The following KLHL1 variants were observed in gnomAD, a reference collection of about 807,000 sequenced individuals.
KLHL1 encodes kelch-like protein 1.
In KLHL1, 47 loss-of-function variants were observed where a neutral mutation model predicts 77.7. That is an observed-to-expected ratio of 0.60 (90% confidence interval 0.48 to 0.77). The LOEUF (loss-of-function observed/expected upper bound fraction) is 0.77, where lower values mean the gene tolerates loss of function less well. Ranked by LOEUF, KLHL1 falls within the 30% of genes least tolerant of loss-of-function variation. The pLI is 0.00. For missense variants in KLHL1, 925 were observed against 910.8 expected (o/e 1.02, Z -0.20); for synonymous variants, 360 against 325.2 (o/e 1.11, Z -1.15).
chr13:69,776,394 C>A (rs1875830013), intron 7 of KLHL1, among the ~76,000 whole-genome samples: 1 of 152,164 alleles, frequency 6.6e-6, no homozygotes, highest in Non-Finnish European at 1.5e-5. Context: ...ACAAGCTTTG[C>A]CACTAATGAG....
chr13:69,771,740 T>C (rs1013043752), intron 7 of KLHL1, among the ~76,000 whole-genome samples: 1 of 152,166 alleles, frequency 6.6e-6, no homozygotes, highest in Non-Finnish European at 1.5e-5. Context: ...CAGATTGAAT[T>C]GTCTTATATT....
intron 6 of KLHL1, among the ~76,000 whole-genome samples, chr13:69,830,178 C>A (rs1031307930): frequency 1.3e-5 from 2 of 150,138 alleles, no homozygotes; most frequent in South Asian, 4.2e-4. Context: ...AATTCACCAA[C>A]CAAGTATCTG....
intron 1 of KLHL1, among the ~76,000 whole-genome samples, chr13:70,080,816 A>T (rs1482390365): frequency 6.6e-6 from 1 of 151,938 alleles, no homozygotes; most frequent in East Asian, 1.9e-4. Flanking sequence ...CAGGCTGTTC[A>T]TTTGAACCTC....
rs1158791870 is a variant in KLHL1, at chr13:69,739,425, GC to G, written c.1802+968del. ...CCATATTAACCTTGAATGTAAATGG[GC>G]TAAATGCCCCAATTAAAAGACACAG... On this transcript the variant is annotated intron_variant, in intron 8 of 10. Coordinates refer to ENST00000377844, the MANE Select transcript of KLHL1 (RefSeq NM_020866.3). 4.9e-4 allele frequency among the ~76,000 whole-genome samples: 75 copies of G among 152,240 alleles called. 1 individual carries two copies. The highest frequency in any genetic ancestry group is 1.7e-3 in the African/African-American group (71 of 41,544).
chr13:69,924,750 G>A (rs1403966710), intron 4 of KLHL1, among the ~76,000 whole-genome samples: 2 of 152,124 alleles, frequency 1.3e-5, no homozygotes, highest in African/African-American at 2.4e-5. Context: ...GCCCTTTAGG[G>A]AGCCCAGACC....
intron 6 of KLHL1, among the ~76,000 whole-genome samples, chr13:69,827,470 G>A (rs1447161112): frequency 3.9e-5 from 6 of 152,096 alleles, no homozygotes; most frequent in Middle Eastern, 3.4e-3. Context: ...GGTGGCTCAC[G>A]CCTGTAATCC....
intron 4 of KLHL1, among the ~76,000 whole-genome samples, chr13:69,890,026 T>C (rs1395301679): frequency 1.3e-5 from 2 of 152,044 alleles, no homozygotes; most frequent in Non-Finnish European, 2.9e-5. Flanking sequence ...ATGCCTAGTA[T>C]ATGCTTAATA....
intron 4 of KLHL1, among the ~76,000 whole-genome samples, chr13:69,902,415 G>C (rs1881898541): frequency 6.6e-6 from 1 of 152,070 alleles, no homozygotes. Context: ...GATTTATCAT[G>C]GTATACTTGA....
rs762287179 is a variant in KLHL1 at position 69,761,332 on chromosome 13, AGTTGGCTGCCTGTG to A, written c.1640-20790_1640-20777del. 1.1e-3 allele frequency among the ~76,000 whole-genome samples: 160 copies of A among 152,268 alleles called. 1 individual carries two copies. The highest frequency in any genetic ancestry group is 1.5e-3 in the Non-Finnish European group (102 of 68,006). The stretch of plus-strand genomic sequence containing the variant: ...TACTTTATTTGAACACAGTTTGAAC[AGTTGGCTGCCTGTG>A]GTTGGCTGAAACTCTATTTATTAAT... On this transcript the variant is annotated intron_variant, in intron 7 of 10. Coordinates refer to ENST00000377844, the MANE Select transcript of KLHL1 (RefSeq NM_020866.3).
At chr13:69,961,012 TAAAC>T (rs1482155809) in intron 3 of KLHL1, among the ~76,000 whole-genome samples, 2 of 151,980 alleles carry the variant, frequency 1.3e-5, no homozygotes, top group Non-Finnish European at 1.5e-5. Context: ...AACATGGACA[TAAAC>T]AAATTATTAT....
chr13:70,065,936 AT>A (rs1261046848), intron 1 of KLHL1, among the ~76,000 whole-genome samples: 9 of 152,200 alleles, frequency 5.9e-5, no homozygotes. Flanking sequence ...AAGTCCTATT[AT>A]GTAGACTAGT....
intron 4 of KLHL1, among the ~76,000 whole-genome samples, chr13:69,913,739 A>T (rs942365910): frequency 1.3e-5 from 2 of 152,228 alleles, no homozygotes; most frequent in Non-Finnish European, 2.9e-5. Flanking sequence ...TACTATTTAC[A>T]CTACTCTTTT....
chr13:70,013,302 G>T (rs923477094), intron 1 of KLHL1, among the ~76,000 whole-genome samples: 5 of 152,172 alleles, frequency 3.3e-5, no homozygotes, highest in African/African-American at 1.2e-4. Flanking sequence ...CAAAGGGAAT[G>T]CAGAGAACCC....
At chr13:69,780,359 G>C (rs1187456053) in intron 7 of KLHL1, among the ~76,000 whole-genome samples, 1 of 151,958 alleles carries the variant, frequency 6.6e-6, no homozygotes, top group African/African-American at 2.4e-5. Context: ...AAACTTTGAA[G>C]AGAGAATCCT....
At chr13:69,829,960 T>G (rs1405533839) in intron 6 of KLHL1, among the ~76,000 whole-genome samples, 1 of 149,884 alleles carries the variant, frequency 6.7e-6, no homozygotes, top group Admixed American at 6.7e-5. Context: ...GTTCTAAATC[T>G]TGAAACAAAA....
chr13:70,038,747 T>C (rs61964241), intron 1 of KLHL1, among the ~76,000 whole-genome samples: 29,660 of 151,556 alleles, frequency 0.2, 3,572 homozygotes, highest in East Asian at 0.6. Flanking sequence ...CCCACCACCA[T>C]GCCTGGCTAA....
intron 3 of KLHL1, among the ~76,000 whole-genome samples, chr13:69,952,079 T>C (rs1883728345): frequency 6.6e-6 from 1 of 151,344 alleles, no homozygotes; most frequent in African/African-American, 2.4e-5. Flanking sequence ...AGCAAGGGGG[T>C]TTGATTACAA....
At chr13:70,005,867 T>C (rs1159116022) in intron 1 of KLHL1, among the ~76,000 whole-genome samples, 2 of 151,672 alleles carry the variant, frequency 1.3e-5, no homozygotes, top group Non-Finnish European at 2.9e-5. Context: ...TTGTAAGAAC[T>C]CTTATCATGA....
chr13:69,902,374 A>T (rs941584963), intron 4 of KLHL1, among the ~76,000 whole-genome samples: 1 of 152,180 alleles, frequency 6.6e-6, no homozygotes, highest in African/African-American at 2.4e-5. Flanking sequence ...TAGAAAGCTC[A>T]TGGACAATGA....
Sources: allele counts gnomAD v4.1 joint callset (sites outside exome capture counted in the v4.1 genomes callset), GRCh38; gene constraint gnomAD v4.1.1; transcripts MANE v1.5; gene names NCBI Gene and HGNC (gene_info 2026-07-23, HGNC 2026-07-21).